Variants in TMEM117 observed in about 807,000 individuals in gnomAD.
TMEM117 encodes transmembrane protein 117.
TMEM117 carries 27 observed loss-of-function variants against 52.4 expected under a neutral mutation model. That is an observed-to-expected ratio of 0.51 (90% confidence interval 0.38 to 0.71). The LOEUF is 0.71. Ranked by LOEUF, TMEM117 falls within the 30% of genes least tolerant of loss-of-function variation. The pLI is 0.00. For missense variants in TMEM117, 556 were observed against 630.5 expected (o/e 0.88, Z 1.26); for synonymous variants, 215 against 206.3 (o/e 1.04, Z -0.36).
At chr12:44,106,285 G>T (rs931297220) in intron 3 of TMEM117, among the ~76,000 whole-genome samples, 1 of 151,936 alleles carries the variant, frequency 6.6e-6, no homozygotes, top group Non-Finnish European at 1.5e-5. Context: ...TGAAAACCTT[G>T]TCTATTATTT....
intron 7 of TMEM117, among the ~76,000 whole-genome samples, chr12:44,378,845 G>T (rs1951978981): frequency 6.6e-6 from 1 of 152,184 alleles, no homozygotes; most frequent in African/African-American, 2.4e-5. Context: ...CCCAAGTGAT[G>T]TTGATAATTG....
At chr12:43,832,900 T>C (rs1942990923), upstream of TMEM117, among the ~76,000 whole-genome samples, 3 of 152,342 alleles carry the variant, frequency 2.0e-5, no homozygotes, top group South Asian at 6.2e-4. Context: ...TGGTATACAA[T>C]AAGCCTTCAA....
intron 6 of TMEM117, among the ~76,000 whole-genome samples, chr12:44,303,184 C>T (rs1369079664): frequency 3.9e-5 from 6 of 151,938 alleles, no homozygotes; most frequent in Non-Finnish European, 7.4e-5. Context: ...GCTGGGATTA[C>T]AGGCATGCAC....
At chr12:43,935,405 C>T (rs956910384) in intron 2 of TMEM117, among the ~76,000 whole-genome samples, 7 of 152,048 alleles carry the variant, frequency 4.6e-5, no homozygotes, top group Non-Finnish European at 7.4e-5. Context: ...TTCTTCCAGC[C>T]ATAAGAAATA....
chr12:43,901,731 C>T (rs1164477620), intron 2 of TMEM117, among the ~76,000 whole-genome samples: 5 of 152,146 alleles, frequency 3.3e-5, no homozygotes, highest in Admixed American at 6.5e-5. Context: ...TTTAGGATTA[C>T]GAAGAATAGA....
chr12:44,341,891 G>A (rs1325217750), intron 6 of TMEM117, among the ~76,000 whole-genome samples: 1 of 152,118 alleles, frequency 6.6e-6, no homozygotes, highest in Non-Finnish European at 1.5e-5. Flanking sequence ...TAAGCAGTGA[G>A]GCACTCCAGC....
chr12:44,050,530 C>G (rs1021686743), intron 3 of TMEM117, among the ~76,000 whole-genome samples: 4 of 152,188 alleles, frequency 2.6e-5, no homozygotes, highest in Non-Finnish European at 4.4e-5. Context: ...TGAGCAACTT[C>G]TAGGCACTGA....
chr12:44,254,191 T>G (rs116932039), intron 5 of TMEM117, among the ~76,000 whole-genome samples: 4,634 of 152,102 alleles, frequency 0.03, 107 homozygotes, highest in Admixed American at 0.044. Context: ...ATTTATATAT[T>G]GAACTACATA....
chr12:43,974,186 C>A (rs1185670277), intron 3 of TMEM117, among the ~76,000 whole-genome samples: 1 of 152,106 alleles, frequency 6.6e-6, no homozygotes, highest in Non-Finnish European at 1.5e-5. Flanking sequence ...TGTTTCACTA[C>A]CTATTTCTTC....
intron 3 of TMEM117, among the ~76,000 whole-genome samples, chr12:44,046,291 C>T (rs1481183699): frequency 6.6e-6 from 1 of 152,192 alleles, no homozygotes; most frequent in Non-Finnish European, 1.5e-5. Flanking sequence ...GCCACCTGGA[C>T]ACTTTGGGCT....
intron 3 of TMEM117, among the ~76,000 whole-genome samples, chr12:44,118,495 C>T (rs1948182232): frequency 6.6e-6 from 1 of 152,138 alleles, no homozygotes; most frequent in Non-Finnish European, 1.5e-5. Flanking sequence ...ACATAGGGAA[C>T]AGCAATTGTA....
chr12:43,820,394 C>T, the TMEM117 span, among the ~76,000 whole-genome samples: 2 of 152,238 alleles, frequency 1.3e-5, no homozygotes, highest in Non-Finnish European at 2.9e-5. Flanking sequence ...CTGCCTCAGC[C>T]TCCCGAGTAG....
chr12:43,799,045 A>G, the TMEM117 span, among the ~76,000 whole-genome samples: 1 of 152,084 alleles, frequency 6.6e-6, no homozygotes, highest in African/African-American at 2.4e-5. Context: ...AATCTGCTTC[A>G]GGCAACCTTA....
intron 4 of TMEM117, among the ~76,000 whole-genome samples, chr12:44,150,399 T>A (rs570651125): frequency 3.4e-4 from 52 of 152,242 alleles, no homozygotes; most frequent in South Asian, 2.1e-3. Context: ...CTCCTGGGAC[T>A]GTGCTCTTGG....
At chr12:44,150,950 A>G (rs1948712905) in intron 4 of TMEM117, among the ~76,000 whole-genome samples, 2 of 152,212 alleles carry the variant, frequency 1.3e-5, no homozygotes, top group African/African-American at 4.8e-5. Flanking sequence ...CCTAATGCCA[A>G]TGCCCATCAA....
chr12:44,173,780 TA>T lies in TMEM117; in HGVS notation c.510+30159del, dbSNP rs1204804087. ...GTTTTTTTCTTTGAAATATATTTCA[TA>T]AATTTTAATAATAGAAGTTTATCAG... On this transcript the variant is annotated intron_variant, in intron 4 of 7. Transcript: ENST00000266534. Among the ~76,000 whole-genome samples, 36 of 152,208 alleles carry T rather than the reference TA, an allele frequency of 2.4e-4. 1 individual carries two copies. The highest frequency in any genetic ancestry group is 7.9e-4 in the African/African-American group (33 of 41,546).
chr12:43,840,479 A>G (rs1943100740), intron 1 of TMEM117, among the ~76,000 whole-genome samples: 1 of 152,340 alleles, frequency 6.6e-6, no homozygotes, highest in East Asian at 1.9e-4. Context: ...CACGTCATCA[A>G]TGCAGTCCTT....
chr12:44,385,433 G>T (rs1037249523), intron 7 of TMEM117, among the ~76,000 whole-genome samples: 4 of 152,082 alleles, frequency 2.6e-5, no homozygotes, highest in South Asian at 2.1e-4. Context: ...AGAAACCTTT[G>T]GGAGTCAAGA....
At chr12:44,171,177 G>A (rs1013666379) in intron 4 of TMEM117, among the ~76,000 whole-genome samples, 12 of 151,784 alleles carry the variant, frequency 7.9e-5, no homozygotes, top group East Asian at 3.9e-4. Flanking sequence ...CACTACGCCC[G>A]GCTAATTTTT....
Sources: allele counts gnomAD v4.1 joint callset (sites outside exome capture counted in the v4.1 genomes callset), GRCh38; gene constraint gnomAD v4.1.1; transcripts MANE v1.5; gene names NCBI Gene and HGNC (gene_info 2026-07-23, HGNC 2026-07-21).